Variants in LCOR observed in about 807,000 individuals in gnomAD.
The protein encoded by LCOR is ligand-dependent corepressor.
Under a neutral mutation model 64.4 loss-of-function variants are expected in LCOR, and 14 were observed. That is an observed-to-expected ratio of 0.22 (90% CI 0.14 to 0.34). The LOEUF is 0.34. Ranked by LOEUF, LCOR falls within the 10% of genes least tolerant of loss-of-function variation. The pLI, the probability that LCOR is intolerant of heterozygous loss-of-function variation, is 1.00. For synonymous variants in LCOR, 643 were observed against 642.5 expected (o/e 1.00, Z -0.01); for missense variants, 1,686 against 1,765.3 (o/e 0.96, Z 0.80).
At chr10:96,929,996 C>T (rs1473049087) in intron 4 of LCOR, among the ~76,000 whole-genome samples, 4 of 152,126 alleles carry the variant, frequency 2.6e-5, no homozygotes, top group Admixed American at 1.3e-4. Context: ...CAAAATAATT[C>T]ACTACAGTAA....
chr10:96,906,684 G>A (rs1846734531), intron 2 of LCOR, among the ~76,000 whole-genome samples: 1 of 151,970 alleles, frequency 6.6e-6, no homozygotes. Context: ...AATCAGTGGG[G>A]TTTACGTTTA....
At chr10:96,854,201 C>T (rs114223737) in intron 2 of LCOR, among the ~76,000 whole-genome samples, 7,823 of 152,234 alleles carry the variant, frequency 0.051, 668 homozygotes, top group African/African-American at 0.18. Flanking sequence ...GAATATCTTA[C>T]TGGCTAAATC....
intron 7 of LCOR, chr10:96,958,191 T>C (rs1278146151): frequency 2.3e-6 from 3 of 1,278,142 alleles, no homozygotes; most frequent in Admixed American, 3.6e-5. Context: ...GAAAATTAAT[T>C]TGTGCTTGCT....
At chr10:96,848,829 A>G (rs1170019972) in intron 2 of LCOR, among the ~76,000 whole-genome samples, 1 of 152,118 alleles carries the variant, frequency 6.6e-6, no homozygotes, top group East Asian at 1.9e-4. Flanking sequence ...TCTTTCAGGA[A>G]TGGTTAGCTT....
chr10:96,960,399 TAA>T (rs1847861104), intron 7 of LCOR: 1 of 152,238 alleles, frequency 6.6e-6, no homozygotes, highest in African/African-American at 2.4e-5. Context: ...TCATTTTCTT[TAA>T]CAGCTTTTAT....
chr10:96,988,946 C>T lies in LCOR; in HGVS notation c.*3812C>T, dbSNP rs1848172447. ...GCAGAGACCCGTGTGGCCCTTACAG[C>T]CTAAGATACTATCTGGACCTTCAGA... On this transcript the variant is annotated 3_prime_UTR_variant, in exon 8 of 8. Coordinates refer to ENST00000421806, the MANE Select transcript of LCOR (RefSeq NM_001346516.2). 6.6e-6 allele frequency: 1 copy of T among 152,212 alleles called. No individual in the cohort carries two copies. The highest frequency in any genetic ancestry group is 1.5e-5 in the Non-Finnish European group (1 of 68,036). The allele number at this position is 152,212 out of a possible 1,614,324, so 9.4% of individuals were successfully genotyped here.
At chr10:96,909,819 G>T (rs1846797339) in intron 4 of LCOR, among the ~76,000 whole-genome samples, 1 of 152,090 alleles carries the variant, frequency 6.6e-6, no homozygotes, top group African/African-American at 2.4e-5. Flanking sequence ...AGAAAAGAAA[G>T]CAACATTGTT....
rs572274617 is a variant in LCOR at position 96,949,310 on chromosome 10, C to T, written c.238+15C>T. ...TAGCGAACAAGGTATGGTTTGATGT[C>T]AAGGTCTCCTCTATCTTATCAGAAT... On this transcript the variant is annotated intron_variant, in intron 6 of 7. Coordinates refer to ENST00000421806, the MANE Select transcript of LCOR (RefSeq NM_001346516.2). 11 of 1,611,510 alleles carry T rather than the reference C, an allele frequency of 6.8e-6. No individual in the cohort carries two copies. The South Asian group carries it at 1.1e-4, about 16-fold the overall frequency.
At chr10:96,872,300 T>C (rs1846085027) in intron 2 of LCOR, among the ~76,000 whole-genome samples, 1 of 152,252 alleles carries the variant, frequency 6.6e-6, no homozygotes. Flanking sequence ...CCACACAGTT[T>C]AGCCTTTGTC....
rs566173361 is a variant in LCOR at position 96,894,841 on chromosome 10, A to G, written c.-329-12424A>G. Among the ~76,000 whole-genome samples the G allele has an allele frequency of 9.8e-5, 15 of 152,324 alleles. No individual in the cohort carries two copies. In the East Asian group the frequency reaches 2.9e-3, roughly 29 times the overall value. On this transcript the variant is annotated intron_variant, in intron 2 of 7. Coordinates refer to ENST00000421806, the MANE Select transcript of LCOR (RefSeq NM_001346516.2). ...CCTCGGATGACATTTGGAGTGGGTT[A>G]AGATATGTCTTTATTTCAATAACAG...
Position 96,982,879 on chromosome 10 carries a change from A to G in LCOR, c.2419A>G (p.Lys807Glu). ...GAATTTGGACAAGAAGAAAAAAGGT[A>G]AAAAATTCCCTGAGGCCTCTGATAG... The part of the protein sequence containing the change: ...EENLDKKKKG[K>E]KFPEASDRCL... Residue 807 changes from lysine to glutamate, a missense_variant, in exon 8 of 8, where the codon AAA becomes GAA. Physicochemically the swap from Lys to Glu is moderately conservative, Grantham distance 56. Coordinates refer to ENST00000421806, the MANE Select transcript of LCOR (RefSeq NM_001346516.2). 6.2e-7 allele frequency: 1 copy of G among 1,613,994 alleles called. No individual in the cohort carries two copies. The highest frequency in any genetic ancestry group is 8.5e-7 in the Non-Finnish European group (1 of 1,180,026).
intron 2 of LCOR, among the ~76,000 whole-genome samples, chr10:96,905,348 C>G (rs978555407): frequency 2.6e-5 from 4 of 152,096 alleles, no homozygotes; most frequent in Non-Finnish European, 5.9e-5. Context: ...AGGATAAGAC[C>G]TACTTAATAA....
chr10:96,842,476 A>G (rs1191902499), intron 2 of LCOR, among the ~76,000 whole-genome samples: 1 of 152,110 alleles, frequency 6.6e-6, no homozygotes, highest in Non-Finnish European at 1.5e-5. Flanking sequence ...AGAAAATTCC[A>G]CATGTGAAAA....
At chr10:96,840,867 G>A (rs1335554762) in intron 2 of LCOR, among the ~76,000 whole-genome samples, 1 of 152,226 alleles carries the variant, frequency 6.6e-6, no homozygotes, top group African/African-American at 2.4e-5. Context: ...CACAGGCCAG[G>A]TGGCTCACGC....
At chr10:96,837,723 A>G (rs780907770) in intron 2 of LCOR, among the ~76,000 whole-genome samples, 1 of 152,196 alleles carries the variant, frequency 6.6e-6, no homozygotes, top group African/African-American at 2.4e-5. Context: ...TGGAGTTGGT[A>G]TTTGGAAAGA....
chr10:96,921,009 G>T (rs911313181), intron 4 of LCOR, among the ~76,000 whole-genome samples: 4 of 151,866 alleles, frequency 2.6e-5, no homozygotes, highest in Non-Finnish European at 4.4e-5. Flanking sequence ...TGTTGCCCAG[G>T]CTGGTCTTGA....
chr10:96,977,869 A>T (rs569398885), intron 7 of LCOR, among the ~76,000 whole-genome samples: 11 of 152,136 alleles, frequency 7.2e-5, no homozygotes, highest in Non-Finnish European at 1.5e-4. Context: ...AGCACTTTTA[A>T]TTTGATTCAC....
chr10:96,930,781 GC>G (rs1216644284), intron 4 of LCOR, among the ~76,000 whole-genome samples: 1 of 152,154 alleles, frequency 6.6e-6, no homozygotes, highest in Non-Finnish European at 1.5e-5. Context: ...TAAAAAAGGG[GC>G]TTGGTGTAGG....
chr10:96,915,889 C>T, intron 4 of LCOR: 1 of 452,586 alleles, frequency 2.2e-6, no homozygotes, highest in Non-Finnish European at 4.2e-6. Flanking sequence ...CCCCTTCAGC[C>T]TTTCTCTAGG....
Sources: allele counts gnomAD v4.1 joint callset (sites outside exome capture counted in the v4.1 genomes callset), GRCh38; gene constraint gnomAD v4.1.1; transcripts MANE v1.5; gene names NCBI Gene and HGNC (gene_info 2026-07-23, HGNC 2026-07-21).